The following DDX60L variants were observed in gnomAD, a reference collection of about 807,000 sequenced individuals.
DDX60L encodes DExD/H-box 60 like.
A neutral mutation model predicts 211.6 loss-of-function variants in DDX60L; 191 were observed. That is an observed-to-expected ratio of 0.90 (90% CI 0.80 to 1.02). The LOEUF (loss-of-function observed/expected upper bound fraction) is 1.02, where lower values mean the gene tolerates loss of function less well. DDX60L is among the 50% of genes least tolerant of loss of function. The pLI is 0.00. For synonymous variants in DDX60L, 706 were observed against 694.1 expected, an observed-to-expected ratio of 1.02 and a Z score of -0.27; for missense variants, 2,007 against 1,984.1, an observed-to-expected ratio of 1.01 and a Z score of -0.22.
chr4:168,467,047 T>C (rs997956708), intron 4 of DDX60L, among the ~76,000 whole-genome samples: 13 of 152,172 alleles, frequency 8.5e-5, no homozygotes, highest in African/African-American at 3.1e-4. Context: ...ATATAAACTG[T>C]TGGTAATTTT....
At chr4:168,479,547 T>C (rs899753658) in intron 1 of DDX60L, among the ~76,000 whole-genome samples, 8 of 152,280 alleles carry the variant, frequency 5.3e-5, no homozygotes, top group African/African-American at 1.9e-4. Flanking sequence ...GTCAGCTTCT[T>C]TGATTATGGA....
At chr4:168,437,290 C>T (rs146070544) in intron 10 of DDX60L, among the ~76,000 whole-genome samples, 2 of 152,102 alleles carry the variant, frequency 1.3e-5, no homozygotes, top group Admixed American at 6.6e-5. Flanking sequence ...GCTATTCTTA[C>T]AAGAACAGAG....
chr4:168,411,347 A>G (rs1472611007), intron 22 of DDX60L, among the ~76,000 whole-genome samples: 4 of 152,208 alleles, frequency 2.6e-5, no homozygotes, highest in Non-Finnish European at 4.4e-5. Flanking sequence ...TCGACCTGCC[A>G]ATGCCACCCA....
At chr4:168,380,364 T>C (rs1742719512) in intron 30 of DDX60L, 1 of 152,328 alleles carries the variant, frequency 6.6e-6, no homozygotes, top group South Asian at 2.1e-4. Flanking sequence ...GAATTTCCCC[T>C]CTGGTGCTGT....
At chr4:168,419,812 G>A (rs1238674591) in intron 18 of DDX60L, among the ~76,000 whole-genome samples, 4 of 152,180 alleles carry the variant, frequency 2.6e-5, no homozygotes, top group African/African-American at 9.7e-5. Flanking sequence ...ATTTAGTAAT[G>A]CATTGGGTTT....
intron 23 of DDX60L, 103 bp downstream of exon 23, chr4:168,406,499 C>T: frequency 1.3e-6 from 1 of 779,290 alleles, no homozygotes; most frequent in Non-Finnish European, 2.1e-6. Flanking sequence ...CAGCATCAAC[C>T]AAGTAGAGAG....
intron 4 of DDX60L, among the ~76,000 whole-genome samples, chr4:168,467,942 A>G (rs4692940): frequency 0.72 from 108,926 of 152,072 alleles, 40,260 homozygotes; most frequent in East Asian, 0.88. Context: ...TGAAGCAGGC[A>G]GATCACCTGA....
chr4:168,431,074 C>T (rs938531363), intron 12 of DDX60L, among the ~76,000 whole-genome samples: 22 of 152,242 alleles, frequency 1.4e-4, no homozygotes, highest in African/African-American at 5.3e-4. Context: ...TTACTTAGAC[C>T]TTTCAGAAAA....
intron 36 of DDX60L, among the ~76,000 whole-genome samples, chr4:168,365,742 A>G (rs897766454): frequency 6.6e-6 from 1 of 152,174 alleles, no homozygotes; most frequent in East Asian, 1.9e-4. Flanking sequence ...TTATAGGCCA[A>G]TATCTCTGAT....
At chr4:168,361,242 G>A in intron 36 of DDX60L, 31 bp from the exon 37 acceptor site, 1 of 1,427,452 alleles carries the variant, frequency 7.0e-7, no homozygotes, top group South Asian at 1.2e-5. Context: ...TAATTAAAAA[G>A]TATAAAAACA....
Position 168,461,769 on chromosome 4 carries a change from T to G in DDX60L, c.536A>C (p.Glu179Ala). The change falls in exon 5 of 38, where the codon GAA becomes GCA. Residue 179 changes from glutamate to alanine, a missense_variant. Glu to Ala is a moderately radical substitution (Grantham distance 107). Coordinates refer to ENST00000682922, the MANE Select transcript of DDX60L (RefSeq NM_001012967.3). ...KVNVVLSSGHESDTLRFYAYT... is the reference protein window; with the variant it reads ...KVNVVLSSGHASDTLRFYAYT... ...TGCATAAAATCTGAGAGTATCAGAT[T>G]CATGCCCTGATGAAAGCACAACATT... 6.2e-7 allele frequency: 1 copy of G among 1,603,636 alleles called. No homozygotes were observed. The highest frequency in any genetic ancestry group is 8.5e-7 in the Non-Finnish European group (1 of 1,173,804).
In DDX60L at chr4:168,432,562, G is replaced by A. The variant is rs749402043; in HGVS notation, c.1409C>T (p.Pro470Leu). The A allele has an allele frequency of 1.0e-4, 162 of 1,553,902 alleles. No homozygotes were observed. The highest frequency in any genetic ancestry group is 1.2e-4 in the African/African-American group (9 of 72,404). ...KDLPILKSDDPVVPSLFKQKT... is the reference protein window; with the variant it reads ...KDLPILKSDDLVVPSLFKQKT... Reference sequence around the variant, plus strand: ...TTGTTTAAACAGTGAAGGAACAACCGGATCATCACTGTAAAAATAAATACA... The same window carrying A: ...TTGTTTAAACAGTGAAGGAACAACCAGATCATCACTGTAAAAATAAATACA... The change falls in exon 12 of 38, where the codon CCG (proline) becomes CTG (leucine). Residue 470 changes from proline to leucine, a missense_variant. By Grantham distance (98) the Pro-to-Leu change is moderately conservative. Coordinates refer to ENST00000682922, the MANE Select transcript of DDX60L (RefSeq NM_001012967.3).
At chr4:168,393,658 G>A (rs1267885783) in intron 28 of DDX60L, among the ~76,000 whole-genome samples, 1 of 152,080 alleles carries the variant, frequency 6.6e-6, no homozygotes, top group Non-Finnish European at 1.5e-5. Context: ...CATCTAAGAT[G>A]TCCTTACCCT....
chr4:168,400,905 G>A lies in DDX60L; in HGVS notation c.3412C>T (p.His1138Tyr). The change falls in exon 26 of 38, where the codon CAT becomes TAT. Residue 1138 changes from histidine (H) to tyrosine (Y), a missense_variant. Transcript: ENST00000682922. ...TAACTATGACATTCAGTGTGGGGAT[G>A]GCTTTTTGTCTCTGTCTTCTCCAGA... The part of the protein sequence containing the change: ...TFLEKTETKS[H>Y]PHTECHSYVF... The A allele has an allele frequency of 1.9e-6, 3 of 1,613,524 alleles. No homozygotes were observed. Among genetic ancestry groups the A allele is most frequent in the South Asian group, 1.1e-5 (1 of 91,068 alleles).
At chr4:168,464,732 A>C (rs1757757173) in intron 4 of DDX60L, among the ~76,000 whole-genome samples, 1 of 152,042 alleles carries the variant, frequency 6.6e-6, no homozygotes, top group African/African-American at 2.4e-5. Flanking sequence ...TGCTCTTCTA[A>C]CTATGTGAAA....
At chr4:168,360,659 T>C (rs1738946019) in intron 37 of DDX60L, among the ~76,000 whole-genome samples, 1 of 152,212 alleles carries the variant, frequency 6.6e-6, no homozygotes, top group Non-Finnish European at 1.5e-5. Flanking sequence ...TCATATTTGC[T>C]TGGGTCTCTG....
chr4:168,406,663 T>G lies in DDX60L; in HGVS notation c.3023A>C (p.Gln1008Pro), dbSNP rs748872448. 6.2e-7 allele frequency: 1 copy of G among 1,607,574 alleles called. No individual in the cohort carries two copies. Among genetic ancestry groups the G allele is most frequent in the Admixed American group, 1.7e-5 (1 of 59,218 alleles). ...GGTATCATAAAGCTGGATGCTTTCT[T>G]GAGGGGTGAGGGTAAGATCAGGTGG... Reference protein sequence around the residue: ...GFPPDLTLTPQESIQLYDTMA... With the variant: ...GFPPDLTLTPPESIQLYDTMA... The change falls in exon 23 of 38, where the codon CAA becomes CCA. Residue 1008 changes from glutamine (Q) to proline (P), a missense_variant. Transcript: ENST00000682922.
chr4:168,426,973 A>G, intron 14 of DDX60L, 97 bp downstream of exon 14: 1 of 1,281,918 alleles, frequency 7.8e-7, no homozygotes. Flanking sequence ...ACAATGGATT[A>G]TACAAAGTTT....
intron 29 of DDX60L, chr4:168,390,417 T>C: frequency 7.7e-7 from 1 of 1,294,044 alleles, no homozygotes; most frequent in Non-Finnish European, 9.8e-7. Context: ...AAAAGGAAAA[T>C]ATGGCTTTTA....
Sources: allele counts gnomAD v4.1 joint callset (sites outside exome capture counted in the v4.1 genomes callset), GRCh38; gene constraint gnomAD v4.1.1; transcripts MANE v1.5; gene names NCBI Gene and HGNC (gene_info 2026-07-23, HGNC 2026-07-21).